The following ZCWPW2 variants were observed in gnomAD, a reference collection of about 807,000 sequenced individuals.
The protein encoded by ZCWPW2 is zinc finger CW-type and PWWP domain containing 2, also known as zinc finger CW-type PWWP domain protein 2.
Under a neutral mutation model 46.6 loss-of-function variants are expected in ZCWPW2, and 45 were observed. The observed-to-expected ratio is 0.96, with a 90% CI of 0.76 to 1.24. The LOEUF (loss-of-function observed/expected upper bound fraction) is 1.24, where lower values mean the gene tolerates loss of function less well. Among genes scored for constraint, ZCWPW2 ranks in the 50% most tolerant of loss-of-function variants. ZCWPW2 has a pLI of 0.00. For synonymous variants in ZCWPW2, 152 were observed against 137.1 expected, an observed-to-expected ratio of 1.11 and a Z score of -0.76; for missense variants, 429 against 403.9, an observed-to-expected ratio of 1.06 and a Z score of -0.53.
chr3:28,502,613 G>A (rs947107302), intron 6 of ZCWPW2, among the ~76,000 whole-genome samples: 1 of 152,056 alleles, frequency 6.6e-6, no homozygotes, highest in African/African-American at 2.4e-5. Context: ...ACAATAGTAT[G>A]TTGTAGTGCG....
chr3:28,407,227 T>C (rs1696200155), intron 2 of ZCWPW2, among the ~76,000 whole-genome samples: 2 of 152,232 alleles, frequency 1.3e-5, no homozygotes, highest in African/African-American at 4.8e-5. Context: ...GCATCCTTCA[T>C]GGAGCCCTCT....
intron 1 of ZCWPW2, among the ~76,000 whole-genome samples, chr3:28,365,636 C>T (rs1448581428): frequency 2.1e-5 from 3 of 140,512 alleles, no homozygotes; most frequent in Non-Finnish European, 3.2e-5. Context: ...GCGGGCTCTT[C>T]TTTGGTTCCA....
intron 5 of ZCWPW2, among the ~76,000 whole-genome samples, chr3:28,489,071 AG>A (rs1699709051): frequency 6.6e-6 from 1 of 152,186 alleles, no homozygotes; most frequent in South Asian, 2.1e-4. Context: ...GAACACAAAA[AG>A]CTCCTTGAAC....
intron 4 of ZCWPW2, among the ~76,000 whole-genome samples, chr3:28,474,620 T>TGTGTGTGTGTGTGCGC (rs777191108): frequency 8.2e-6 from 1 of 121,630 alleles, no homozygotes; most frequent in Non-Finnish European, 1.9e-5. Flanking sequence ...TGTGTGTGTG[T>TGTGTGTGTGTGTGCGC]GCGCGCGCGC....
chr3:28,519,321 T>C (rs1700658052), intron 8 of ZCWPW2, among the ~76,000 whole-genome samples: 1 of 152,188 alleles, frequency 6.6e-6, no homozygotes, highest in Admixed American at 6.5e-5. Context: ...TCTATGCCTA[T>C]TTTCTTGTGT....
chr3:28,399,207 G>A (rs1004015616), intron 2 of ZCWPW2, among the ~76,000 whole-genome samples: 9 of 152,042 alleles, frequency 5.9e-5, no homozygotes, highest in South Asian at 4.2e-4. Context: ...GTAGACAGCC[G>A]TAATCCCGCT....
intron 4 of ZCWPW2, among the ~76,000 whole-genome samples, chr3:28,435,485 C>CTT (rs1197458440): frequency 1.6e-4 from 22 of 134,128 alleles, no homozygotes; most frequent in Admixed American, 6.0e-4. Flanking sequence ...TTCTTTCTGT[C>CTT]TTTTTTTTTT....
intron 1 of ZCWPW2, among the ~76,000 whole-genome samples, chr3:28,360,219 A>G (rs1368921364): frequency 6.6e-6 from 1 of 151,898 alleles, no homozygotes; most frequent in African/African-American, 2.4e-5. Context: ...AGACAAAACA[A>G]TTCTGGCCGG....
chr3:28,378,565 A>T (rs1410679250), intron 1 of ZCWPW2, among the ~76,000 whole-genome samples: 2 of 152,146 alleles, frequency 1.3e-5, no homozygotes, highest in African/African-American at 2.4e-5. Context: ...AGAGATGTTC[A>T]GATCATTTAA....
chr3:28,379,296 G>A (rs1351455293), intron 1 of ZCWPW2, among the ~76,000 whole-genome samples: 1 of 152,086 alleles, frequency 6.6e-6, no homozygotes, highest in Non-Finnish European at 1.5e-5. Flanking sequence ...TGAGAATGAG[G>A]AATATGGTCT....
At chr3:28,393,042 AT>A (rs1695558389) in intron 2 of ZCWPW2, among the ~76,000 whole-genome samples, 1 of 152,174 alleles carries the variant, frequency 6.6e-6, no homozygotes, top group East Asian at 1.9e-4. Context: ...GATAAACAAA[AT>A]TGACAAACCT....
intron 1 of ZCWPW2, among the ~76,000 whole-genome samples, chr3:28,379,327 T>G (rs1389042165): frequency 6.6e-6 from 1 of 152,108 alleles, no homozygotes; most frequent in African/African-American, 2.4e-5. Context: ...AGATTTAGAA[T>G]AATCACTGAG....
In ZCWPW2 at chr3:28,453,884, G is replaced by A. The variant is rs539493707; in HGVS notation, c.492+18615G>A. Among the ~76,000 whole-genome samples the A allele has an allele frequency of 4.8e-5, 7 of 144,778 alleles. No individual in the cohort carries two copies. The Admixed American group carries it at 4.9e-4, about 10-fold the overall frequency. The allele number at this position is 144,778 out of a possible 152,430, so 95.0% of individuals were successfully genotyped here. A position where few individuals can be genotyped will look rare whatever the true frequency, so the allele number is the denominator to read the frequency against. ...TTTTGAGACGGAGTCTCGCTCTGTC[G>A]CCCAGGCTGGAGTGCAGTGGCGCGA... On this transcript the variant is annotated intron_variant, in intron 4 of 9. Coordinates refer to ENST00000383768, the MANE Select transcript of ZCWPW2 (RefSeq NM_001040432.4).
At position 28,515,461 on chromosome 3, in the gene ZCWPW2, A is replaced by G. The variant is rs529394962; in HGVS notation, c.717-93A>G. 27 of 896,154 alleles carry G rather than the reference A, an allele frequency of 3.0e-5. 1 individual carries two copies. Among genetic ancestry groups the G allele is most frequent in the Admixed American group, 2.7e-4 (11 of 40,384 alleles). 55.5% of individuals were successfully genotyped at this position (896,154 alleles called of 1,614,324 possible). A position where few individuals can be genotyped will look rare whatever the true frequency, so the allele number is the denominator to read the frequency against. On this transcript the variant is annotated intron_variant, in intron 7 of 9. Coordinates refer to ENST00000383768, the MANE Select transcript of ZCWPW2 (RefSeq NM_001040432.4). The stretch of plus-strand genomic sequence containing the variant: ...TTACCTTTAGAAAATATATGCATTT[A>G]TAATCTACAGTTACCAATGAATAGG...
At chr3:28,473,474 C>CA (rs112359578) in intron 4 of ZCWPW2, among the ~76,000 whole-genome samples, 2,970 of 132,432 alleles carry the variant, frequency 0.022, 95 homozygotes, top group African/African-American at 0.07. Context: ...CACTTTGTCG[C>CA]AAAAAAAAAA....
intron 2 of ZCWPW2, among the ~76,000 whole-genome samples, chr3:28,410,855 T>G (rs1696371969): frequency 6.6e-6 from 1 of 151,890 alleles, no homozygotes; most frequent in Non-Finnish European, 1.5e-5. Flanking sequence ...TCTGGTTGTT[T>G]AATAAACTCT....
intron 3 of ZCWPW2, among the ~76,000 whole-genome samples, chr3:28,433,444 A>G (rs766805824): frequency 4.6e-5 from 7 of 152,160 alleles, no homozygotes; most frequent in Non-Finnish European, 1.0e-4. Flanking sequence ...AAAGTTACAG[A>G]ATAGCTCCAA....
chr3:28,403,436 G>A (rs1696030136), intron 2 of ZCWPW2, among the ~76,000 whole-genome samples: 1 of 152,040 alleles, frequency 6.6e-6, no homozygotes. Context: ...CTCATGGATG[G>A]GTAGAATCAA....
At chr3:28,364,856 A>G (rs1168431871) in intron 1 of ZCWPW2, among the ~76,000 whole-genome samples, 1 of 152,104 alleles carries the variant, frequency 6.6e-6, no homozygotes, top group African/African-American at 2.4e-5. Context: ...AATGATCGTC[A>G]TTCTAACTGG....
Sources: gnomAD v4.1 joint callset for allele counts (sites outside exome capture counted in the v4.1 genomes callset) on GRCh38, gnomAD v4.1.1 for gene constraint, MANE v1.5 for transcripts, NCBI Gene and HGNC (gene_info 2026-07-23, HGNC 2026-07-21) for gene names.